SAMD4A: variants seen among roughly 807,000 people sequenced by gnomAD.
SAMD4A encodes the protein sterile alpha motif domain containing 4A.
Under a neutral mutation model 81.3 loss-of-function variants are expected in SAMD4A, and 33 were observed. That is an observed-to-expected ratio of 0.41 (90% CI 0.31 to 0.54). The LOEUF is 0.54. SAMD4A is among the 20% of genes least tolerant of loss of function. SAMD4A has a pLI of 0.37. For synonymous variants in SAMD4A, 389 were observed against 382.1 expected (o/e 1.02, Z -0.21); for missense variants, 854 against 951.1 (o/e 0.90, Z 1.34).
intron 2 of SAMD4A, among the ~76,000 whole-genome samples, chr14:54,634,759 GTCTATCTA>G (rs71878753): frequency 7.0e-4 from 99 of 141,234 alleles, no homozygotes; most frequent in African/African-American, 2.6e-3. Flanking sequence ...CTGTCTGTCT[GTCTATCTA>G]TCTATCTATC....
intron 6 of SAMD4A, among the ~76,000 whole-genome samples, chr14:54,753,930 C>CTTTCTCA (rs2038174802): frequency 6.6e-6 from 1 of 152,158 alleles, no homozygotes; most frequent in Non-Finnish European, 1.5e-5. Flanking sequence ...TTTGGGGGAA[C>CTTTCTCA]ATTCAAAAGG....
At chr14:54,621,534 G>A (rs1197393206) in intron 2 of SAMD4A, among the ~76,000 whole-genome samples, 1 of 146,616 alleles carries the variant, frequency 6.8e-6, no homozygotes, top group Non-Finnish European at 1.5e-5. Context: ...TTTTTTTTTG[G>A]TATTTTTAGT....
At chr14:54,628,398 A>T (rs994455949) in intron 2 of SAMD4A, among the ~76,000 whole-genome samples, 3 of 152,168 alleles carry the variant, frequency 2.0e-5, no homozygotes, top group African/African-American at 7.2e-5. Context: ...AAGGGAATTG[A>T]ATAATGGCAT....
intron 3 of SAMD4A, among the ~76,000 whole-genome samples, chr14:54,716,186 C>G (rs2037112656): frequency 1.3e-5 from 2 of 152,292 alleles, no homozygotes; most frequent in Admixed American, 6.5e-5. Context: ...CAGGGACACT[C>G]AGCTTTTGCC....
chr14:54,783,787 C>G (rs28648747), intron 11 of SAMD4A, among the ~76,000 whole-genome samples: 14,484 of 152,230 alleles, frequency 0.095, 1,949 homozygotes, highest in African/African-American at 0.3. Flanking sequence ...TAAAGCCCCC[C>G]ACGTGGTCTC....
chr14:54,638,567 G>T lies in SAMD4A; in HGVS notation c.197-63495G>T, dbSNP rs565793989. Among the ~76,000 whole-genome samples, 4 of 152,312 alleles carry T rather than the reference G, an allele frequency of 2.6e-5. No homozygotes were observed. The South Asian group carries it at 8.3e-4, about 32-fold the overall frequency. On this transcript the variant is annotated intron_variant, in intron 2 of 12. Coordinates refer to ENST00000554335, the MANE Select transcript of SAMD4A (RefSeq NM_015589.6). ...GTTTGTTAAATTCCCTGATTTAAAAGCATCTTCCTCTATAAGTCCTCGGTT... is the reference window on the plus strand; with the variant it reads ...GTTTGTTAAATTCCCTGATTTAAAATCATCTTCCTCTATAAGTCCTCGGTT...
intron 2 of SAMD4A, among the ~76,000 whole-genome samples, chr14:54,677,759 TATAAAAC>T (rs2036023607): frequency 6.6e-6 from 1 of 152,216 alleles, no homozygotes. Context: ...TAATTAGTCT[TATAAAAC>T]ATAGTAAAAT....
At chr14:54,734,680 G>A (rs1323072660) in intron 3 of SAMD4A, among the ~76,000 whole-genome samples, 5 of 152,216 alleles carry the variant, frequency 3.3e-5, no homozygotes, top group African/African-American at 1.2e-4. Flanking sequence ...ATGCCTCTCA[G>A]TGGAGGAGAT....
At position 54,568,084 on chromosome 14, in the gene SAMD4A, C is replaced by G; in HGVS notation, c.168C>G (p.His56Gln). ...EHSLADCAEL[H>Q]VLEREANSPG... The stretch of plus-strand genomic sequence containing the variant: ...CGCTGGCCGACTGCGCCGAGCTGCA[C>G]GTCCTCGAACGCGAGGCCAACAGCC... Residue 56 changes from histidine (H) to glutamine (Q), a missense_variant, in exon 2 of 13, where the codon CAC (histidine) becomes CAG (glutamine). Physicochemically the swap from His to Gln is conservative, Grantham distance 24. Coordinates refer to ENST00000554335, the MANE Select transcript of SAMD4A (RefSeq NM_015589.6). 3 of 1,566,620 alleles carry G rather than the reference C, an allele frequency of 1.9e-6. No homozygotes were observed. The highest frequency in any genetic ancestry group is 2.6e-6 in the Non-Finnish European group (3 of 1,164,468).
At chr14:54,638,995 T>C (rs965145530) in intron 2 of SAMD4A, among the ~76,000 whole-genome samples, 2 of 152,182 alleles carry the variant, frequency 1.3e-5, no homozygotes, top group African/African-American at 4.8e-5. Context: ...TTTATTAACC[T>C]TAGGGCACAG....
intron 2 of SAMD4A, chr14:54,694,502 TG>T: frequency 2.6e-6 from 1 of 384,044 alleles, no homozygotes; most frequent in Non-Finnish European, 3.6e-6. Context: ...AGTTGGGTTG[TG>T]GACATGTTGA....
chr14:54,678,730 A>G (rs1000893931), intron 2 of SAMD4A, among the ~76,000 whole-genome samples: 1 of 151,762 alleles, frequency 6.6e-6, no homozygotes, highest in African/African-American at 2.4e-5. Context: ...TTGCATTTTT[A>G]GTAGAGACGG....
intron 7 of SAMD4A, among the ~76,000 whole-genome samples, chr14:54,763,225 A>G (rs952038679): frequency 6.6e-6 from 1 of 151,004 alleles, no homozygotes; most frequent in African/African-American, 2.4e-5. Flanking sequence ...TTTAAAAAAA[A>G]ATACTATAGC....
At chr14:54,786,470 G>A (rs1165595339) in intron 12 of SAMD4A, among the ~76,000 whole-genome samples, 2 of 152,258 alleles carry the variant, frequency 1.3e-5, no homozygotes, top group Non-Finnish European at 2.9e-5. Context: ...ATTAAAAGTA[G>A]TAATGACAGT....
At chr14:54,680,865 C>A (rs1392488267) in intron 2 of SAMD4A, among the ~76,000 whole-genome samples, 1 of 152,212 alleles carries the variant, frequency 6.6e-6, no homozygotes, top group East Asian at 1.9e-4. Flanking sequence ...ACTCGACACA[C>A]CCGATTCACT....
chr14:54,650,734 C>G (rs2035385757), intron 2 of SAMD4A, among the ~76,000 whole-genome samples: 1 of 152,168 alleles, frequency 6.6e-6, no homozygotes, highest in African/African-American at 2.4e-5. Flanking sequence ...ATAAGCTTTT[C>G]TCCTCTTTGT....
Position 54,718,712 on chromosome 14 carries a change from C to T in SAMD4A, c.715+16132C>T, listed in dbSNP as rs1182150618. 2.0e-5 allele frequency among the ~76,000 whole-genome samples: 3 copies of T among 152,046 alleles called. No homozygotes were observed. In the East Asian group the frequency reaches 5.8e-4, roughly 29 times the overall value. ...TGTCCTGGAGAGTTCCCTTAAGAATCCTGACTTTGGGCCAGGCACAGTAGC... is the reference window on the plus strand; with the variant it reads ...TGTCCTGGAGAGTTCCCTTAAGAATTCTGACTTTGGGCCAGGCACAGTAGC... On this transcript the variant is annotated intron_variant, in intron 3 of 12. Coordinates refer to ENST00000554335, the MANE Select transcript of SAMD4A (RefSeq NM_015589.6).
chr14:54,762,448 G>A (rs1282611494), intron 7 of SAMD4A, among the ~76,000 whole-genome samples: 3 of 152,168 alleles, frequency 2.0e-5, no homozygotes, highest in Non-Finnish European at 4.4e-5. Flanking sequence ...TAATCTGGTG[G>A]AGGAGATGAC....
intron 2 of SAMD4A, among the ~76,000 whole-genome samples, chr14:54,610,452 G>A (rs1373357520): frequency 3.3e-5 from 5 of 152,256 alleles, no homozygotes; most frequent in South Asian, 2.1e-4. Flanking sequence ...GCCTGGCACC[G>A]CAATGGGCTG....
Sources: gnomAD v4.1 joint callset for allele counts (sites outside exome capture counted in the v4.1 genomes callset) on GRCh38, gnomAD v4.1.1 for gene constraint, MANE v1.5 for transcripts, NCBI Gene and HGNC (gene_info 2026-07-23, HGNC 2026-07-21) for gene names.